The following GARNL3 variants were observed in gnomAD, a reference collection of about 807,000 sequenced individuals.
GARNL3 encodes the protein GTPase activating Rap/RanGAP domain like 3, also known as GTPase-activating Rap/Ran-GAP domain-like protein 3.
A neutral mutation model predicts 125.0 loss-of-function variants in GARNL3; 63 were observed. That is an observed-to-expected ratio of 0.50 (90% CI 0.41 to 0.62). The LOEUF (loss-of-function observed/expected upper bound fraction) is 0.62, where lower values mean the gene tolerates loss of function less well. GARNL3 is among the 20% of genes least tolerant of loss of function. The pLI is 0.00. For missense variants in GARNL3, 994 were observed against 1,244.0 expected, an observed-to-expected ratio of 0.80 and a Z score of 3.02; for synonymous variants, 439 against 457.5, an observed-to-expected ratio of 0.96 and a Z score of 0.52.
chr9:127,381,967 T>C (rs1383145888), intron 22 of GARNL3, among the ~76,000 whole-genome samples: 1 of 152,164 alleles, frequency 6.6e-6, no homozygotes, highest in Non-Finnish European at 1.5e-5. Context: ...TGTCAATAAT[T>C]AACATTCAGA....
chr9:127,367,824 C>G (rs1483072817), intron 22 of GARNL3, among the ~76,000 whole-genome samples: 4 of 151,082 alleles, frequency 2.6e-5, no homozygotes, highest in Non-Finnish European at 5.9e-5. Flanking sequence ...TCTTCACTTT[C>G]AGATAAGTAA....
At chr9:127,320,429 C>A (rs550469057) in intron 5 of GARNL3, among the ~76,000 whole-genome samples, 1 of 152,350 alleles carries the variant, frequency 6.6e-6, no homozygotes, top group Admixed American at 6.5e-5. Flanking sequence ...TAATTACATT[C>A]ATTACTTTTA....
intron 16 of GARNL3, among the ~76,000 whole-genome samples, chr9:127,348,275 G>A (rs573831715): frequency 1.7e-4 from 26 of 152,214 alleles, no homozygotes; most frequent in Non-Finnish European, 3.7e-4. Context: ...ACATCCACGT[G>A]TGGCTCTAAG....
intron 1 of GARNL3, among the ~76,000 whole-genome samples, chr9:127,283,264 C>A (rs2064149434): frequency 6.6e-6 from 1 of 152,142 alleles, no homozygotes. Flanking sequence ...GAACTTTCTA[C>A]AATTATGGAA....
intron 12 of GARNL3, among the ~76,000 whole-genome samples, chr9:127,339,395 G>T (rs1278071739): frequency 6.6e-6 from 1 of 152,144 alleles, no homozygotes; most frequent in African/African-American, 2.4e-5. Flanking sequence ...CTTACATGGT[G>T]GCGGCAAGAG....
chr9:127,288,349 C>T (rs777487269), intron 1 of GARNL3, among the ~76,000 whole-genome samples: 8 of 152,082 alleles, frequency 5.3e-5, no homozygotes, highest in African/African-American at 1.7e-4. Context: ...ATGTGTCCTT[C>T]GGTGAGAAGA....
chr9:127,260,877 G>A (rs2063574872), upstream of GARNL3, among the ~76,000 whole-genome samples: 1 of 152,116 alleles, frequency 6.6e-6, no homozygotes, highest in South Asian at 2.1e-4. Flanking sequence ...TGATGTAACA[G>A]ATAAACCCTG....
intron 2 of GARNL3, among the ~76,000 whole-genome samples, chr9:127,249,774 G>A (rs898478202): frequency 2.0e-5 from 3 of 152,044 alleles, no homozygotes; most frequent in African/African-American, 4.8e-5. Flanking sequence ...TTGCGAGGCC[G>A]AGGCGGGTGG....
intron 2 of GARNL3, among the ~76,000 whole-genome samples, chr9:127,305,606 TC>T (rs2064931745): frequency 6.6e-6 from 1 of 151,974 alleles, no homozygotes; most frequent in Non-Finnish European, 1.5e-5. Flanking sequence ...AGGGTCTTGC[TC>T]TGTTGCCCAG....
Position 127,392,060 on chromosome 9 carries a change from C to T in GARNL3, c.2871-1023C>T, listed in dbSNP as rs759204537. Among the ~76,000 whole-genome samples the T allele has an allele frequency of 6.6e-6, 1 of 152,172 alleles. No homozygotes were observed. The highest frequency in any genetic ancestry group is 1.9e-4 in the East Asian group (1 of 5,198). The stretch of plus-strand genomic sequence containing the variant: ...CAGGCCAGTGGCAAAGACCAACAAG[C>T]GTCCAGAAAATGACTGCATTCCAGC... On this transcript the variant is annotated intron_variant, in intron 27 of 27. Coordinates refer to ENST00000373387, the MANE Select transcript of GARNL3 (RefSeq NM_032293.5). The surrounding 1 kb of genome is among the most constrained non-coding windows in gnomAD (Gnocchi z 5.2).
intron 1 of GARNL3, among the ~76,000 whole-genome samples, chr9:127,233,670 A>G (rs1278528857): frequency 2.0e-5 from 3 of 152,238 alleles, no homozygotes; most frequent in South Asian, 2.1e-4. Context: ...AATGGAAAAC[A>G]TATTTTCTAC....
In GARNL3 at chr9:127,384,958, G is replaced by A. The variant is rs1832461510; in HGVS notation, c.2270-69G>A. On this transcript the variant is annotated intron_variant, in intron 23 of 27. Transcript: ENST00000373387. The surrounding 1 kb of genome is among the most constrained non-coding windows in gnomAD (Gnocchi z 4.0). ...TTTCTAGAGAAGTGAGTGTGACTAT[G>A]ACACAGTCACAGCCCCTTCGCGGCC... The A allele has an allele frequency of 2.4e-6, 2 of 817,906 alleles. No individual in the cohort carries two copies. The highest frequency in any genetic ancestry group is 4.3e-5 in the Admixed American group (2 of 46,524). The allele number at this position is 817,906 out of a possible 1,614,324, so 50.7% of individuals were successfully genotyped here. A position where few individuals can be genotyped will look rare whatever the true frequency, so the allele number is the denominator to read the frequency against.
At position 127,313,266 on chromosome 9, in the gene GARNL3, A is replaced by G. The variant is rs535234627; in HGVS notation, c.320-175A>G. 13 of 610,216 alleles carry G rather than the reference A, an allele frequency of 2.1e-5. No individual in the cohort carries two copies. In the South Asian group the frequency reaches 2.3e-4, roughly 11 times the overall value. The allele number at this position is 610,216 out of a possible 1,614,324, so 37.8% of individuals were successfully genotyped here. On this transcript the variant is annotated intron_variant, in intron 3 of 27. Transcript: ENST00000373387. ...TTCATTCCTGAACCAGTCACTAGCA[A>G]GGGGCAGAGGAATACATGATCCCCC...
In GARNL3 at chr9:127,344,279, A is replaced by C. The variant is rs1564160918; in HGVS notation, c.1296A>C (p.Ser432=). The change falls in exon 15 of 28, where the codon TCA becomes TCC. Residue 432 remains serine (S), a synonymous_variant. Coordinates refer to ENST00000373387, the MANE Select transcript of GARNL3 (RefSeq NM_032293.5). ...RRSFSDVLPE[S]PKSARKKEEA... is the part of the protein sequence containing the mutation. The stretch of plus-strand genomic sequence containing the variant: ...CTTTTAGTGATGTCTTACCAGAGTC[A>C]CCCAAGTCAGCGCGGAAGAAAGAGG... 2.5e-6 allele frequency: 4 copies of C among 1,614,082 alleles called. No individual in the cohort carries two copies. The highest frequency in any genetic ancestry group is 2.5e-6 in the Non-Finnish European group (3 of 1,179,944).
At chr9:127,351,047 A>T (rs1830399142) in intron 17 of GARNL3, among the ~76,000 whole-genome samples, 1 of 152,186 alleles carries the variant, frequency 6.6e-6, no homozygotes, top group Non-Finnish European at 1.5e-5. Context: ...AATGTCTCTA[A>T]CACAGATTTC....
chr9:127,301,242 C>A (rs771648717), intron 2 of GARNL3, among the ~76,000 whole-genome samples: 52 of 152,162 alleles, frequency 3.4e-4, no homozygotes, highest in Non-Finnish European at 4.9e-4. Flanking sequence ...GAACCGAACA[C>A]AGGGCTCTGG....
chr9:127,314,385 G>A (rs755710610), intron 4 of GARNL3, among the ~76,000 whole-genome samples: 1 of 152,190 alleles, frequency 6.6e-6, no homozygotes, highest in African/African-American at 2.4e-5. Context: ...GGGGCCTCTG[G>A]TTCAAATGCT....
At chr9:127,246,307 T>G (rs2063303031) in intron 2 of GARNL3, among the ~76,000 whole-genome samples, 1 of 152,178 alleles carries the variant, frequency 6.6e-6, no homozygotes, top group African/African-American at 2.4e-5. Context: ...AGAGTTCTGA[T>G]GAGCAACAGG....
chr9:127,308,757 T>G (rs2065020619), intron 2 of GARNL3, among the ~76,000 whole-genome samples: 1 of 152,256 alleles, frequency 6.6e-6, no homozygotes, highest in Non-Finnish European at 1.5e-5. Flanking sequence ...GATAAAGCTC[T>G]ACTGTGGTTA....
Sources: allele counts gnomAD v4.1 joint callset (sites outside exome capture counted in the v4.1 genomes callset), GRCh38; gene constraint gnomAD v4.1.1; non-coding constraint Gnocchi (gnomAD v3.1); transcripts MANE v1.5; gene names NCBI Gene and HGNC (gene_info 2026-07-23, HGNC 2026-07-21).